The following CSMD3 variants were observed in gnomAD, a reference collection of about 807,000 sequenced individuals.
CSMD3 encodes the protein CUB and sushi domain-containing protein 3.
In CSMD3, 177 loss-of-function variants were observed where a neutral mutation model predicts 435.2. The observed-to-expected ratio is 0.41, with a 90% CI of 0.36 to 0.46. The LOEUF (loss-of-function observed/expected upper bound fraction) is 0.46. Among genes scored for constraint, CSMD3 ranks in the 20% least tolerant of loss-of-function variants. The pLI, the probability that CSMD3 is intolerant of heterozygous loss-of-function variation, is 0.34. For synonymous variants in CSMD3, 1,656 were observed against 1,520.5 expected (o/e 1.09, Z -2.07); for missense variants, 4,265 against 4,504.6 (o/e 0.95, Z 1.52).
At chr8:113,229,349 G>GTGAATTGTGGTTCTTTT (rs2093060551) in intron 3 of CSMD3, among the ~76,000 whole-genome samples, 1 of 151,546 alleles carries the variant, frequency 6.6e-6, no homozygotes, top group Non-Finnish European at 1.5e-5. Context: ...CACATATATT[G>GTGAATTGTGGTTCTTTT]TGAATTGTGG....
intron 32 of CSMD3, among the ~76,000 whole-genome samples, chr8:112,449,649 A>G (rs1816034484): frequency 2.0e-5 from 3 of 152,290 alleles, no homozygotes; most frequent in Non-Finnish European, 4.4e-5. Context: ...CAATATTCAC[A>G]CACCTGTCTC....
At chr8:112,952,871 A>AT (rs925586477) in intron 8 of CSMD3, among the ~76,000 whole-genome samples, 6 of 151,298 alleles carry the variant, frequency 4.0e-5, no homozygotes, top group Non-Finnish European at 8.9e-5. Context: ...TTTTATTAGA[A>AT]TTTTTTTTCC....
intron 3 of CSMD3, among the ~76,000 whole-genome samples, chr8:113,248,461 TGTGTGTG>T (rs1460081213): frequency 0.011 from 1 of 90 alleles, no homozygotes; most frequent in East Asian, 0.25. Context: ...AATATATGTG[TGTGTGTG>T]ATATATATGT....
At chr8:112,611,356 A>G (rs1833246321) in intron 22 of CSMD3, among the ~76,000 whole-genome samples, 1 of 152,168 alleles carries the variant, frequency 6.6e-6, no homozygotes, top group African/African-American at 2.4e-5. Flanking sequence ...GAAGTGTACC[A>G]AATTTATTCA....
intron 1 of CSMD3, among the ~76,000 whole-genome samples, chr8:113,329,139 G>T (rs1313996792): frequency 6.6e-6 from 1 of 151,350 alleles, no homozygotes; most frequent in Non-Finnish European, 1.5e-5. Context: ...TATTTTCGAA[G>T]TTCAGAAATT....
chr8:113,116,529 A>G (rs55800427), intron 4 of CSMD3, among the ~76,000 whole-genome samples: 14,697 of 152,230 alleles, frequency 0.097, 910 homozygotes, highest in Middle Eastern at 0.17. Context: ...GAACAGACTT[A>G]TACAGTTAAT....
At chr8:112,894,954 G>T (rs980305064) in intron 10 of CSMD3, among the ~76,000 whole-genome samples, 1 of 151,346 alleles carries the variant, frequency 6.6e-6, no homozygotes, top group Non-Finnish European at 1.5e-5. Flanking sequence ...TTTGGAAGAG[G>T]AAGTAATCAC....
intron 2 of CSMD3, among the ~76,000 whole-genome samples, chr8:113,308,241 C>T: frequency 7.1e-6 from 1 of 141,676 alleles, no homozygotes; most frequent in South Asian, 2.3e-4. Flanking sequence ...TATAAATATC[C>T]AGTAAATCAT....
intron 70 of CSMD3, among the ~76,000 whole-genome samples, chr8:112,225,454 G>A (rs193270650): frequency 1.3e-5 from 2 of 152,034 alleles, no homozygotes; most frequent in African/African-American, 4.8e-5. Context: ...TAGGTAATGA[G>A]AATTGTTATG....
At chr8:112,266,361 C>A (rs1816945491) in intron 59 of CSMD3, among the ~76,000 whole-genome samples, 2 of 152,104 alleles carry the variant, frequency 1.3e-5, no homozygotes, top group Admixed American at 6.6e-5. Flanking sequence ...CATGCAGGGC[C>A]AGGGGCAACA....
intron 45 of CSMD3, among the ~76,000 whole-genome samples, chr8:112,321,916 T>C (rs1018046529): frequency 6.6e-6 from 1 of 151,282 alleles, no homozygotes; most frequent in African/African-American, 2.5e-5. Context: ...ATTTTGACAA[T>C]TGTTTTCCTG....
At chr8:112,611,547 T>C (rs141838588) in intron 22 of CSMD3, among the ~76,000 whole-genome samples, 7,527 of 152,216 alleles carry the variant, frequency 0.049, 268 homozygotes, top group Non-Finnish European at 0.076. Context: ...ATGAGAAGCA[T>C]GATAGCTAAG....
intron 13 of CSMD3, among the ~76,000 whole-genome samples, chr8:112,694,355 G>A (rs1036143203): frequency 3.3e-5 from 5 of 151,992 alleles, no homozygotes; most frequent in Non-Finnish European, 7.4e-5. Context: ...TTATTTATAT[G>A]TTTATTTACA....
intron 2 of CSMD3, among the ~76,000 whole-genome samples, chr8:113,283,010 G>C (rs1017668272): frequency 1.3e-4 from 20 of 152,072 alleles, no homozygotes; most frequent in Non-Finnish European, 2.9e-4. Context: ...AGCAAATGGT[G>C]CTGAGATAAT....
intron 1 of CSMD3, among the ~76,000 whole-genome samples, chr8:113,397,632 C>G (rs770763461): frequency 1.1e-4 from 16 of 151,576 alleles, no homozygotes; most frequent in Non-Finnish European, 1.6e-4. Context: ...CTGGCTAACA[C>G]GGTGAAACCC....
intron 22 of CSMD3, among the ~76,000 whole-genome samples, chr8:112,611,453 A>T (rs1347424627): frequency 4.6e-5 from 7 of 152,214 alleles, no homozygotes; most frequent in Non-Finnish European, 1.0e-4. Context: ...AGAGACATAA[A>T]AGTTTCTTTA....
chr8:113,270,427 T>G (rs1366902899), intron 3 of CSMD3, among the ~76,000 whole-genome samples: 2 of 152,248 alleles, frequency 1.3e-5, no homozygotes, highest in African/African-American at 2.4e-5. Context: ...TGATTCCTCA[T>G]GGATCTAGAA....
rs770460606 is a variant in CSMD3 at position 112,237,252 on chromosome 8, T to A, written c.10565A>T (p.Asn3522Ile). The part of the protein sequence containing the change: ...QPMTLTVTSF[N>I]ASTGRVNATL... ...TGCGTTAACTCTCCCAGTGGAAGCA[T>A]TGAAACTAGTAACTGTTAAGGTCAT... The change falls in exon 67 of 71, where the codon AAT (asparagine) becomes ATT (isoleucine). Residue 3522 changes from asparagine to isoleucine, a missense_variant. Asn to Ile is a moderately radical substitution (Grantham distance 149). Transcript: ENST00000297405. 1 of 1,613,466 alleles carries A rather than the reference T, an allele frequency of 6.2e-7. No homozygotes were observed. Among genetic ancestry groups the A allele is most frequent in the Admixed American group, 1.7e-5 (1 of 59,986 alleles).
At position 112,897,664 on chromosome 8, in the gene CSMD3, TTCTCTCTCTC is replaced by T. The variant is rs148140086; in HGVS notation, c.1633+23953_1633+23962del. Reference sequence around the variant, plus strand: ...TATCGAGAACTCCCTAAAATACTATTTCTCTCTCTCTCTCTCTCTCTCTCTCTCTCTGTGT... The same window carrying T: ...TATCGAGAACTCCCTAAAATACTATTTCTCTCTCTCTCTCTCTCTCTGTGT... On this transcript the variant is annotated intron_variant, in intron 10 of 70. Transcript: ENST00000297405. Among the ~76,000 whole-genome samples, 825 of 135,060 alleles carry T rather than the reference TTCTCTCTCTC, an allele frequency of 6.1e-3. 9 individuals are homozygous for T. The highest frequency in any genetic ancestry group is 0.018 in the African/African-American group (638 of 35,112). 88.6% of individuals were successfully genotyped at this position (135,060 alleles called of 152,430 possible).
Sources: gnomAD v4.1 joint callset for allele counts (sites outside exome capture counted in the v4.1 genomes callset) on GRCh38, gnomAD v4.1.1 for gene constraint, MANE v1.5 for transcripts, NCBI Gene and HGNC (gene_info 2026-07-23, HGNC 2026-07-21) for gene names.